VTI1A: variants seen among roughly 807,000 people sequenced by gnomAD.
VTI1A encodes the protein vesicle transport through interaction with t-SNAREs 1A.
VTI1A carries 22 observed loss-of-function variants against 34.9 expected under a neutral mutation model. The observed-to-expected ratio is 0.63, with a 90% CI of 0.45 to 0.90. The LOEUF is 0.90. Among genes scored for constraint, VTI1A ranks in the 40% least tolerant of loss-of-function variants. VTI1A has a pLI of 0.00. For missense variants in VTI1A, 268 were observed against 275.6 expected (o/e 0.97, Z 0.20); for synonymous variants, 87 against 97.3 (o/e 0.89, Z 0.62).
chr10:112,622,941 C>G (rs1274525222), intron 5 of VTI1A, among the ~76,000 whole-genome samples: 1 of 152,152 alleles, frequency 6.6e-6, no homozygotes, highest in Non-Finnish European at 1.5e-5. Flanking sequence ...TCACAATGTG[C>G]TATATATCAC....
At chr10:112,781,859 G>A (rs1815239) in intron 7 of VTI1A, among the ~76,000 whole-genome samples, 118,679 of 151,828 alleles carry the variant, frequency 0.78, 46,699 homozygotes, top group East Asian at 0.95. Context: ...TGTCTAAAAA[G>A]TAAATAAATG....
In VTI1A at chr10:112,476,098, G is replaced by A. The variant is rs142649150; in HGVS notation, c.264+11441G>A. Reference sequence around the variant, plus strand: ...GTTTATTTTAAGTTAAAGCCACATCGGTTTAAAAATTAATGGAAAAATGTT... The same window carrying A: ...GTTTATTTTAAGTTAAAGCCACATCAGTTTAAAAATTAATGGAAAAATGTT... On this transcript the variant is annotated intron_variant, in intron 3 of 7. Transcript: ENST00000393077. Among the ~76,000 whole-genome samples, 1,089 of 152,150 alleles carry A rather than the reference G, an allele frequency of 7.2e-3. 14 individuals carry two copies. Among genetic ancestry groups the A allele is most frequent in the African/African-American group, 0.025 (1,049 of 41,510 alleles).
chr10:112,773,742 C>T (rs568708168), intron 7 of VTI1A, among the ~76,000 whole-genome samples: 4 of 152,232 alleles, frequency 2.6e-5, no homozygotes, highest in Admixed American at 1.3e-4. Context: ...CAAGAGAGAT[C>T]TTTAGGTGTG....
At chr10:112,617,324 A>G (rs1845544680) in intron 5 of VTI1A, among the ~76,000 whole-genome samples, 1 of 152,212 alleles carries the variant, frequency 6.6e-6, no homozygotes, top group Non-Finnish European at 1.5e-5. Flanking sequence ...ACATTTTTAG[A>G]TAAATAAAAA....
downstream of VTI1A, among the ~76,000 whole-genome samples, chr10:112,823,140 T>C (rs750880883): frequency 4.6e-5 from 7 of 152,170 alleles, no homozygotes; most frequent in Non-Finnish European, 1.0e-4. Context: ...CATTCCTCCT[T>C]GCAATCCCCA....
intron 5 of VTI1A, among the ~76,000 whole-genome samples, chr10:112,592,894 G>A (rs1844446868): frequency 6.6e-6 from 1 of 152,220 alleles, no homozygotes; most frequent in South Asian, 2.1e-4. Context: ...TACGTTCCAT[G>A]AAGGAAAGTG....
intron 7 of VTI1A, 67 bp from the exon 8 acceptor site, chr10:112,815,223 C>T (rs1372327192): frequency 3.5e-5 from 47 of 1,332,982 alleles, no homozygotes; most frequent in Non-Finnish European, 4.8e-5. Context: ...AACCTGGCCT[C>T]GGACGGCGTT....
At chr10:112,617,094 T>C (rs1348588155) in intron 5 of VTI1A, among the ~76,000 whole-genome samples, 1 of 151,946 alleles carries the variant, frequency 6.6e-6, no homozygotes, top group African/African-American at 2.4e-5. Context: ...AGACACGTTA[T>C]AGTGAAACTA....
intron 7 of VTI1A, among the ~76,000 whole-genome samples, chr10:112,758,582 G>T (rs558490515): frequency 3.9e-4 from 59 of 152,340 alleles, no homozygotes; most frequent in African/African-American, 1.4e-3. Flanking sequence ...AGCCACAAAG[G>T]CTGGCACTCG....
chr10:112,622,171 A>G (rs1845759261), intron 5 of VTI1A, among the ~76,000 whole-genome samples: 1 of 152,192 alleles, frequency 6.6e-6, no homozygotes, highest in Non-Finnish European at 1.5e-5. Context: ...GAGCACAGAA[A>G]TGTATCAACA....
At chr10:112,676,594 T>C (rs978647560) in intron 7 of VTI1A, among the ~76,000 whole-genome samples, 5 of 152,230 alleles carry the variant, frequency 3.3e-5, no homozygotes, top group African/African-American at 1.2e-4. Flanking sequence ...TGTTTGCTGC[T>C]GCTCTCTTTG....
intron 4 of VTI1A, among the ~76,000 whole-genome samples, chr10:112,531,063 TCACACACA>T (rs10670312): frequency 1.4e-3 from 201 of 139,920 alleles, no homozygotes; most frequent in Middle Eastern, 3.5e-3. Flanking sequence ...GTGACACACC[TCACACACA>T]CACACACACA....
chr10:112,682,078 A>G (rs942587348), intron 7 of VTI1A, among the ~76,000 whole-genome samples: 1 of 152,200 alleles, frequency 6.6e-6, no homozygotes, highest in Non-Finnish European at 1.5e-5. Flanking sequence ...TTCAAGGCCA[A>G]GCTATTTATA....
chr10:112,516,122 C>T (rs951146955), intron 3 of VTI1A, among the ~76,000 whole-genome samples: 3 of 152,030 alleles, frequency 2.0e-5, no homozygotes, highest in African/African-American at 7.2e-5. Context: ...AAACTGAATG[C>T]CAGGCTTGTA....
chr10:112,534,434 A>G (rs574346067), intron 4 of VTI1A, among the ~76,000 whole-genome samples: 1 of 152,220 alleles, frequency 6.6e-6, no homozygotes, highest in South Asian at 2.1e-4. Context: ...TGCTTATAGT[A>G]TAGAGTAGTA....
chr10:112,791,833 C>CTT (rs10664072), intron 7 of VTI1A, among the ~76,000 whole-genome samples: 126,025 of 148,612 alleles, frequency 0.85, 53,901 homozygotes, highest in Non-Finnish European at 0.92. Context: ...AACAATATAA[C>CTT]TTTTTTTTTT....
intron 5 of VTI1A, among the ~76,000 whole-genome samples, chr10:112,612,475 A>G (rs1845356080): frequency 6.6e-6 from 1 of 152,166 alleles, no homozygotes; most frequent in African/African-American, 2.4e-5. Flanking sequence ...CTGGAGTGCA[A>G]TAGCACGATC....
chr10:112,543,059 T>C (rs2134268864), intron 5 of VTI1A, among the ~76,000 whole-genome samples: 1 of 152,366 alleles, frequency 6.6e-6, no homozygotes, highest in East Asian at 1.9e-4. Context: ...TGCCACATTT[T>C]CTTAATCCAG....
chr10:112,678,325 CT>C (rs1410081027), intron 7 of VTI1A, among the ~76,000 whole-genome samples: 1 of 152,166 alleles, frequency 6.6e-6, no homozygotes, highest in Admixed American at 6.5e-5. Context: ...CAGCCTTGAG[CT>C]GTTAACTTGA....
Sources: gnomAD v4.1 joint callset for allele counts (sites outside exome capture counted in the v4.1 genomes callset) on GRCh38, gnomAD v4.1.1 for gene constraint, MANE v1.5 for transcripts, NCBI Gene and HGNC (gene_info 2026-07-23, HGNC 2026-07-21) for gene names.